The following STK10 variants were observed in gnomAD, a reference collection of about 807,000 sequenced individuals.
STK10 encodes serine/threonine-protein kinase 10.
In STK10, 78 loss-of-function variants were observed where a neutral mutation model predicts 113.8. The observed-to-expected ratio is 0.69, with a 90% CI of 0.57 to 0.83. The LOEUF (loss-of-function observed/expected upper bound fraction) is 0.83, where lower values mean the gene tolerates loss of function less well. STK10 is among the 40% of genes least tolerant of loss of function. STK10 has a pLI of 0.00. For missense variants in STK10, 1,109 were observed against 1,280.1 expected, an observed-to-expected ratio of 0.87 and a Z score of 2.04; for synonymous variants, 465 against 494.7, an observed-to-expected ratio of 0.94 and a Z score of 0.80.
intron 14 of STK10, among the ~76,000 whole-genome samples, chr5:172,059,434 CAAAAAAAAAA>C (rs58446505): frequency 1.8e-5 from 1 of 57,004 alleles, no homozygotes; most frequent in Admixed American, 2.0e-4. Flanking sequence ...CTCTCCATCT[CAAAAAAAAAA>C]AAAAAAAAAA....
chr5:172,096,652 G>T, intron 7 of STK10, 92 bp from the exon 8 acceptor site: 4 of 1,544,322 alleles, frequency 2.6e-6, no homozygotes, highest in African/African-American at 1.4e-5. Context: ...GGCAGAAAAG[G>T]CCAGCCTCAT....
chr5:172,088,509 G>A (rs1768620282), intron 10 of STK10, among the ~76,000 whole-genome samples: 1 of 152,102 alleles, frequency 6.6e-6, no homozygotes, highest in South Asian at 2.1e-4. Flanking sequence ...GAGCGACAGA[G>A]CGAGACTCCA....
chr5:172,052,924 G>A lies in STK10; in HGVS notation c.2766+5C>T. On this transcript the variant is annotated splice_donor_5th_base_variant and intron_variant, in intron 18 of 18. Coordinates refer to ENST00000176763, the MANE Select transcript of STK10 (RefSeq NM_005990.4). ...GACTGAGCCCACCAGCTCGGATAAA[G>A]TTACCTTCTTGCGCGGCCGAAGCTT... The A allele has an allele frequency of 1.2e-6, 2 of 1,613,756 alleles. No individual in the cohort carries two copies. Among genetic ancestry groups the A allele is most frequent in the Middle Eastern group, 3.5e-4 (2 of 5,762 alleles).
chr5:172,187,935 C>T lies in STK10; in HGVS notation c.108G>A (p.Trp36Ter). 6.2e-7 allele frequency: 1 copy of T among 1,613,568 alleles called. No individual in the cohort carries two copies. Among genetic ancestry groups the T allele is most frequent in the Non-Finnish European group, 8.5e-7 (1 of 1,179,810 alleles). ...VRRDLDPNEV[W>*]EIVGELGDGA... ...CGTCGCCCAGCTCGCCCACGATCTC[C>T]CACACCTCGTTGGGGTCCAGGTCGC... Residue 36 changes from tryptophan to a stop codon, truncating the protein, a stop_gained, in exon 1 of 19, where the codon TGG becomes TGA. Coordinates refer to ENST00000176763, the MANE Select transcript of STK10 (RefSeq NM_005990.4). LOFTEE classifies it high-confidence loss of function. The surrounding 1 kb of genome is among the most constrained non-coding windows in gnomAD (Gnocchi z 4.6).
chr5:172,047,965 C>A (rs181796454), intron 18 of STK10, among the ~76,000 whole-genome samples: 59 of 131,024 alleles, frequency 4.5e-4, no homozygotes, highest in Admixed American at 1.1e-3. Flanking sequence ...TGCAGTGATG[C>A]GATCTTGGCT....
chr5:172,070,938 CA>C (rs1432110874), intron 12 of STK10, among the ~76,000 whole-genome samples: 2 of 151,622 alleles, frequency 1.3e-5, no homozygotes, highest in African/African-American at 4.8e-5. Context: ...AGAAACAGGC[CA>C]GGGGCGGTGG....
At chr5:172,083,412 A>C (rs1312309766) in intron 10 of STK10, among the ~76,000 whole-genome samples, 1 of 152,208 alleles carries the variant, frequency 6.6e-6, no homozygotes, top group Non-Finnish European at 1.5e-5. Flanking sequence ...ATGAAAAAGA[A>C]ACTATAATTT....
chr5:172,184,067 G>A (rs940014234), intron 1 of STK10, among the ~76,000 whole-genome samples: 1 of 152,144 alleles, frequency 6.6e-6, no homozygotes, highest in African/African-American at 2.4e-5. Flanking sequence ...TCGACACTTA[G>A]GCTGTCAGAA....
At position 172,050,325 on chromosome 5, in the gene STK10, A is replaced by G. The variant is rs538876610; in HGVS notation, c.2766+2604T>C. On this transcript the variant is annotated intron_variant, in intron 18 of 18. Transcript: ENST00000176763. ...TAGAGATCCTGTTCTTGTGCCTGGT[A>G]TTGTTCTTGTGCAATCATCTTGAGT... Among the ~76,000 whole-genome samples the G allele has an allele frequency of 7.2e-5, 11 of 152,170 alleles. No homozygotes were observed. In the South Asian group the frequency reaches 2.3e-3, roughly 32 times the overall value.
intron 10 of STK10, among the ~76,000 whole-genome samples, chr5:172,088,997 C>G (rs1379933790): frequency 1.3e-5 from 2 of 152,172 alleles, no homozygotes; most frequent in East Asian, 3.9e-4. Flanking sequence ...AAATGTAGGT[C>G]AAATCTGACC....
At chr5:172,175,251 C>T (rs1394738333) in intron 1 of STK10, among the ~76,000 whole-genome samples, 1 of 152,106 alleles carries the variant, frequency 6.6e-6, no homozygotes, top group Non-Finnish European at 1.5e-5. Flanking sequence ...TCCTAGCCAC[C>T]CGAAGTGCCA....
intron 12 of STK10, among the ~76,000 whole-genome samples, chr5:172,074,556 A>G (rs1768268190): frequency 6.6e-6 from 1 of 152,236 alleles, no homozygotes; most frequent in South Asian, 2.1e-4. Context: ...TATCTTATAT[A>G]ACAATGAACT....
At chr5:172,053,956 C>T (rs1218776475) in intron 17 of STK10, among the ~76,000 whole-genome samples, 1 of 152,234 alleles carries the variant, frequency 6.6e-6, no homozygotes, top group Non-Finnish European at 1.5e-5. Flanking sequence ...CCAAAAGTCA[C>T]ACAGTGGTAA....
Position 172,149,512 on chromosome 5 carries a change from GTGTGTGTGTC to G in STK10, c.321+7102_321+7111del, listed in dbSNP as rs1283595026. On this transcript the variant is annotated intron_variant, in intron 2 of 18. Coordinates refer to ENST00000176763, the MANE Select transcript of STK10 (RefSeq NM_005990.4). The stretch of plus-strand genomic sequence containing the variant: ...AAAGTGCTCGTGTGTGTGTGTGTGT[GTGTGTGTGTC>G]TGTGTGTGTGTGTGTGTGTGTCCCA... Among the ~76,000 whole-genome samples the G allele has an allele frequency of 4.6e-3, 684 of 150,146 alleles. 8 individuals carry two copies. The highest frequency in any genetic ancestry group is 0.016 in the African/African-American group (653 of 40,062).
At chr5:172,073,072 C>A (rs1303710920) in intron 12 of STK10, among the ~76,000 whole-genome samples, 1 of 152,170 alleles carries the variant, frequency 6.6e-6, no homozygotes, top group East Asian at 1.9e-4. Context: ...CTCCTGGGCT[C>A]AAGTGATCCT....
At chr5:172,096,907 G>C (rs1768867774) in intron 7 of STK10, among the ~76,000 whole-genome samples, 1 of 152,156 alleles carries the variant, frequency 6.6e-6, no homozygotes, top group Non-Finnish European at 1.5e-5. Context: ...CCAAAGTAGG[G>C]GCTCAAGCCG....
intron 6 of STK10, among the ~76,000 whole-genome samples, chr5:172,106,401 C>CAG (rs1475870342): frequency 7.7e-4 from 41 of 53,454 alleles, no homozygotes; most frequent in African/African-American, 2.0e-3. Context: ...GACCCTATCT[C>CAG]AAAAAAAAAA....
Position 172,117,548 on chromosome 5 carries a change from C to G in STK10, c.453G>C (p.Lys151Asn). 2 of 1,613,380 alleles carry G rather than the reference C, an allele frequency of 1.2e-6. No homozygotes were observed. ...MLEALNFLHS[K>N]RIIHRDLKAG... ...CTTTCAGATCTCGGTGGATGATCCT[C>G]TTGCTGTGCAGGAAGTTGAGGGCTT... The change falls in exon 4 of 19, where the codon AAG becomes AAC. Residue 151 changes from lysine to asparagine, a missense_variant. This residue lies in a region of STK10 where 120 missense variants were observed against 134.8 expected (regional missense o/e 0.89). Transcript: ENST00000176763.
rs868366025 is a variant in STK10, at chr5:172,187,164, C to A, written c.156+723G>T. On this transcript the variant is annotated intron_variant, in intron 1 of 18. Transcript: ENST00000176763. The surrounding 1 kb of genome is among the most constrained non-coding windows in gnomAD (Gnocchi z 4.6). ...ACTTCTCTAGACTCAATCAGCTCTG[C>A]CCCACCCACTCCACAAAAGCTCTCT... 6.6e-6 allele frequency among the ~76,000 whole-genome samples: 1 copy of A among 152,126 alleles called. No homozygotes were observed. The highest frequency in any genetic ancestry group is 1.5e-5 in the Non-Finnish European group (1 of 68,016).
Sources: allele counts gnomAD v4.1 joint callset (sites outside exome capture counted in the v4.1 genomes callset), GRCh38; gene constraint gnomAD v4.1.1; regional missense constraint gnomAD v4.1.1; non-coding constraint Gnocchi (gnomAD v3.1); transcripts MANE v1.5; gene names NCBI Gene and HGNC (gene_info 2026-07-23, HGNC 2026-07-21).